Variants in RTTN observed in about 807,000 individuals in gnomAD.
The protein encoded by RTTN is rotatin.
A neutral mutation model predicts 269.2 loss-of-function variants in RTTN; 182 were observed. That is an observed-to-expected ratio of 0.68 (90% CI 0.60 to 0.76). The LOEUF (loss-of-function observed/expected upper bound fraction) is 0.76, where lower values mean the gene tolerates loss of function less well. Among genes scored for constraint, RTTN ranks in the 30% least tolerant of loss-of-function variants. RTTN has a pLI of 0.00. For missense variants in RTTN, 2,545 were observed against 2,608.6 expected, an observed-to-expected ratio of 0.98 and a Z score of 0.53; for synonymous variants, 1,006 against 963.5, an observed-to-expected ratio of 1.04 and a Z score of -0.82.
chr18:70,101,540 C>A (rs1407730849), intron 28 of RTTN, among the ~76,000 whole-genome samples: 2 of 151,958 alleles, frequency 1.3e-5, no homozygotes, highest in Non-Finnish European at 2.9e-5. Flanking sequence ...CCTGGATTCA[C>A]CAATTTTTTT....
At chr18:70,156,830 T>C (rs1048397245) in intron 14 of RTTN, among the ~76,000 whole-genome samples, 6 of 152,162 alleles carry the variant, frequency 3.9e-5, no homozygotes, top group African/African-American at 1.4e-4. Flanking sequence ...CTCCTCTAGG[T>C]GGCTTTAGCC....
chr18:70,143,993 G>A (rs1322684432), intron 18 of RTTN, among the ~76,000 whole-genome samples: 1 of 151,846 alleles, frequency 6.6e-6, no homozygotes, highest in African/African-American at 2.4e-5. Flanking sequence ...CCAAGTTGCT[G>A]GGACTACAGG....
chr18:70,157,897 G>C (rs1261970597), intron 14 of RTTN, among the ~76,000 whole-genome samples: 1 of 121,882 alleles, frequency 8.2e-6, no homozygotes, highest in Non-Finnish European at 1.8e-5. Flanking sequence ...CAGGCAAACA[G>C]AAATAAAGAA....
rs2145545270 is a variant in RTTN at position 70,023,735 on chromosome 18, A to G, written c.5950+987T>C. On this transcript the variant is annotated intron_variant, in intron 44 of 48. Transcript: ENST00000640769. ...CTCCATGACAAGTCTCCCTGCTTCT[A>G]GACTTGCTCCCAATCATTCATTCTC... Among the ~76,000 whole-genome samples, 2 of 152,270 alleles carry G rather than the reference A, an allele frequency of 1.3e-5. 1 individual carries two copies. The highest frequency in any genetic ancestry group is 1.3e-4 in the Admixed American group (2 of 15,300).
chr18:70,139,865 C>T, intron 20 of RTTN, 149 bp from the exon 21 acceptor site: 1 of 633,536 alleles, frequency 1.6e-6, no homozygotes, highest in Non-Finnish European at 2.8e-6. Context: ...GAATTACTTT[C>T]CACTGAAAGT....
At chr18:70,107,585 T>C (rs1011054318) in intron 28 of RTTN, among the ~76,000 whole-genome samples, 1 of 152,084 alleles carries the variant, frequency 6.6e-6, no homozygotes, top group African/African-American at 2.4e-5. Context: ...AAACACACAT[T>C]TGAGAAAGAC....
chr18:70,006,547 G>T, intron 46 of RTTN, 63 bp from the exon 47 acceptor site: 1 of 1,243,910 alleles, frequency 8.0e-7, no homozygotes, highest in Non-Finnish European at 1.2e-6. Flanking sequence ...TTCTTATCTT[G>T]GACTAGTCAG....
chr18:70,164,522 AT>A (rs1311618095), intron 14 of RTTN, among the ~76,000 whole-genome samples: 1 of 148,960 alleles, frequency 6.7e-6, no homozygotes, highest in Non-Finnish European at 1.5e-5. Context: ...CCTAAAATAA[AT>A]TTTATGTTAT....
chr18:70,024,969 A>G (rs2056812364), intron 43 of RTTN, 121 bp from the exon 44 acceptor site: 24 of 1,117,462 alleles, frequency 2.1e-5, no homozygotes, highest in Non-Finnish European at 3.0e-5. Flanking sequence ...GGATGGCTTC[A>G]GCATCCTGCC....
At chr18:70,133,676 A>G (rs2060052975) in intron 23 of RTTN, among the ~76,000 whole-genome samples, 1 of 152,130 alleles carries the variant, frequency 6.6e-6, no homozygotes, top group Non-Finnish European at 1.5e-5. Context: ...AATGTACAGC[A>G]ATAGAAATTA....
chr18:70,046,116 T>G (rs2057484343), intron 40 of RTTN, among the ~76,000 whole-genome samples: 1 of 152,112 alleles, frequency 6.6e-6, no homozygotes, highest in Non-Finnish European at 1.5e-5. Context: ...TGGATCCATA[T>G]GCATCATGAG....
chr18:70,152,515 T>C (rs2060565797), intron 14 of RTTN, among the ~76,000 whole-genome samples: 2 of 152,148 alleles, frequency 1.3e-5, no homozygotes, highest in South Asian at 4.1e-4. Context: ...ATTATTAGCA[T>C]TAGCATTATT....
At chr18:70,202,745 ATAC>A (rs1408890089) in intron 3 of RTTN, among the ~76,000 whole-genome samples, 7 of 152,230 alleles carry the variant, frequency 4.6e-5, no homozygotes, top group Admixed American at 3.3e-4. Flanking sequence ...AAGTTACTTT[ATAC>A]TTTTATTCTC....
rs200061908 is a variant in RTTN at position 70,205,303 on chromosome 18, G to A, written c.44C>T (p.Ala15Val). The A allele has an allele frequency of 1.9e-4, 313 of 1,614,042 alleles. 1 individual carries two copies. The highest frequency in any genetic ancestry group is 2.5e-4 in the Non-Finnish European group (300 of 1,180,022). Residue 15 changes from alanine to valine, a missense_variant, in exon 2 of 49, where the codon GCC (alanine) becomes GTC (valine). Coordinates refer to ENST00000640769, the MANE Select transcript of RTTN (RefSeq NM_173630.4). Reference protein sequence around the residue: ...GLIRKLGHQLAEIRERALKSI... With the variant: ...GLIRKLGHQLVEIRERALKSI... ...CTTGAGAGCGCGCTCCCTGATCTCG[G>A]CCAGCTGATGACCTGTCAACGAACG...
chr18:70,128,325 G>A lies in RTTN; in HGVS notation c.3143+33C>T. 7 of 1,542,924 alleles carry A rather than the reference G, an allele frequency of 4.5e-6. No homozygotes were observed. The South Asian group carries it at 4.9e-5, about 11-fold the overall frequency. On this transcript the variant is annotated intron_variant, in intron 24 of 48. Coordinates refer to ENST00000640769, the MANE Select transcript of RTTN (RefSeq NM_173630.4). Reference sequence around the variant, plus strand: ...ACTAATTAATTACAATTAATTAATTGCAAATGCTTTTTAAACTAATATAAG... The same window carrying A: ...ACTAATTAATTACAATTAATTAATTACAAATGCTTTTTAAACTAATATAAG...
chr18:70,070,620 T>C (rs1161397859), intron 34 of RTTN, among the ~76,000 whole-genome samples: 1 of 152,166 alleles, frequency 6.6e-6, no homozygotes, highest in Non-Finnish European at 1.5e-5. Context: ...TCCTTACATC[T>C]TTATCTTTAT....
At chr18:70,128,317 A>C in intron 24 of RTTN, 41 bp downstream of exon 24, 1 of 1,517,896 alleles carries the variant, frequency 6.6e-7, no homozygotes, top group South Asian at 1.2e-5. Flanking sequence ...AATTACAATT[A>C]ATTAATTGCA....
chr18:70,017,035 T>A (rs547898415), intron 46 of RTTN, among the ~76,000 whole-genome samples: 1 of 152,184 alleles, frequency 6.6e-6, no homozygotes, highest in Admixed American at 6.5e-5. Context: ...TAACACATGG[T>A]TCCCGAGAGG....
At chr18:70,175,328 T>C (rs1333566171) in intron 11 of RTTN, among the ~76,000 whole-genome samples, 1 of 152,012 alleles carries the variant, frequency 6.6e-6, no homozygotes, top group South Asian at 2.1e-4. Context: ...TTTATTGCTA[T>C]CATGGGCAGA....
Sources: allele counts gnomAD v4.1 joint callset (sites outside exome capture counted in the v4.1 genomes callset), GRCh38; gene constraint gnomAD v4.1.1; transcripts MANE v1.5; gene names NCBI Gene and HGNC (gene_info 2026-07-23, HGNC 2026-07-21).